The following PRPH2 variants were observed in gnomAD, a reference collection of about 807,000 sequenced individuals.
PRPH2 encodes the protein peripherin-2.
Under a neutral mutation model 31.3 loss-of-function variants are expected in PRPH2, and 17 were observed. The observed-to-expected ratio is 0.54, with a 90% CI of 0.37 to 0.81. PRPH2 has a LOEUF of 0.81. Ranked by LOEUF, PRPH2 falls within the 40% of genes least tolerant of loss-of-function variation. The pLI, the probability that PRPH2 is intolerant of heterozygous loss-of-function variation, is 0.00. For synonymous variants in PRPH2, 165 were observed against 184.4 expected (o/e 0.89, Z 0.85); for missense variants, 430 against 439.7 (o/e 0.98, Z 0.20).
chr6:42,721,852 G>C lies in PRPH2; in HGVS notation c.483C>G (p.Ile161Met), dbSNP rs76989855. Residue 161 changes from isoleucine to methionine, a missense_variant, in exon 1 of 3, where the codon ATC becomes ATG. By Grantham distance (10) the Ile-to-Met change is conservative. Transcript: ENST00000230381. ...CGTTGTTGCCGCAGCATTTGAACTC[G>C]ATCTGCAGCATGTCGATGGTCTTCT... ...FMKKTIDMLQ[I>M]EFKCCGNNGF... 460 of 1,614,190 alleles carry C rather than the reference G, an allele frequency of 2.8e-4. 1 individual carries two copies. The African/African-American group carries it at 5.4e-3, about 19-fold the overall frequency.
rs1258288544 is a variant in PRPH2, at chr6:42,722,206, A to C, written c.129T>G (p.Ile43Met). Reference sequence around the variant, plus strand: ...TCACATCGCTCCTCTTTCGGAGTTCAATCTTCAGGAACAGTCCTAGGCTGA... The same window carrying C: ...TCACATCGCTCCTCTTTCGGAGTTCCATCTTCAGGAACAGTCCTAGGCTGA... ...IIFSLGLFLK[I>M]ELRKRSDVMN... Residue 43 changes from isoleucine (I) to methionine (M), a missense_variant, in exon 1 of 3, where the codon ATT (isoleucine) becomes ATG (methionine). Ile to Met is a conservative substitution (Grantham distance 10, BLOSUM62 1). Coordinates refer to ENST00000230381, the MANE Select transcript of PRPH2 (RefSeq NM_000322.5). The surrounding 1 kb of genome is among the most constrained non-coding windows in gnomAD (Gnocchi z 4.4). 2 of 1,614,188 alleles carry C rather than the reference A, an allele frequency of 1.2e-6. No homozygotes were observed. Among genetic ancestry groups the C allele is most frequent in the South Asian group, 1.1e-5 (1 of 91,088 alleles).
rs375272298 is a variant in PRPH2 at position 42,704,509 on chromosome 6, G to A, written c.684C>T (p.Thr228=). The A allele has an allele frequency of 6.2e-6, 10 of 1,614,076 alleles. No individual in the cohort carries two copies. The highest frequency in any genetic ancestry group is 7.6e-6 in the Non-Finnish European group (9 of 1,180,038). ...SPRPCIQYQI[T]NNSAHYSYDH... ...CGTAACTGTAGTGTGCTGAGTTGTT[G>A]GTGATCTGATACTGGATGCAGGGCC... Residue 228 remains threonine (T), a synonymous_variant, in exon 2 of 3, where the codon ACC becomes ACT. Transcript: ENST00000230381.
In PRPH2 at chr6:42,721,929, T is replaced by A; in HGVS notation, c.406A>T (p.Asn136Tyr). Residue 136 changes from asparagine to tyrosine, a missense_variant, in exon 1 of 3, where the codon AAC becomes TAC. By Grantham distance (143) the Asn-to-Tyr change is moderately radical. Coordinates refer to ENST00000230381, the MANE Select transcript of PRPH2 (RefSeq NM_000322.5). Reference protein sequence around the residue: ...LENTLGQGLKNGMKYYRDTDT... With the variant: ...LENTLGQGLKYGMKYYRDTDT... ...GTGTCCCGGTAGTACTTCATGCCGT[T>A]CTTGAGCCCTTGGCCCAGGGTGTTC... 1.2e-6 allele frequency: 2 copies of A among 1,614,152 alleles called. No homozygotes were observed. The highest frequency in any genetic ancestry group is 8.5e-7 in the Non-Finnish European group (1 of 1,180,036).
chr6:42,703,977 T>G (rs1484999852), intron 2 of PRPH2, among the ~76,000 whole-genome samples: 1 of 151,922 alleles, frequency 6.6e-6, no homozygotes, highest in African/African-American at 2.4e-5. Context: ...GGCACATGCC[T>G]GTAGTCCCAG....
chr6:42,711,633 A>G (rs1189216999), intron 1 of PRPH2, among the ~76,000 whole-genome samples: 3 of 152,178 alleles, frequency 2.0e-5, no homozygotes, highest in African/African-American at 4.8e-5. Context: ...GGAAGCCCCA[A>G]TTTGAAGGGG....
chr6:42,721,961 G>A lies in PRPH2; in HGVS notation c.374C>T (p.Ser125Leu), dbSNP rs772861671. ...CCCTTGGCCCAGGGTGTTCTCCAGCGAGCCCCGAAGCAGAAAGCAGCAGAG... is the reference window on the plus strand; with the variant it reads ...CCCTTGGCCCAGGGTGTTCTCCAGCAAGCCCCGAAGCAGAAAGCAGCAGAG... Reference protein sequence around the residue: ...VALCCFLLRGSLENTLGQGLK... With the variant: ...VALCCFLLRGLLENTLGQGLK... The change falls in exon 1 of 3, where the codon TCG (serine) becomes TTG (leucine). Residue 125 changes from serine to leucine, a missense_variant. Ser to Leu is a moderately radical substitution (Grantham distance 145). Transcript: ENST00000230381. 17 of 1,613,876 alleles carry A rather than the reference G, an allele frequency of 1.1e-5. No individual in the cohort carries two copies. The highest frequency in any genetic ancestry group is 6.7e-5 in the Admixed American group (4 of 59,984).
At chr6:42,719,504 T>C (rs1056407701) in intron 1 of PRPH2, among the ~76,000 whole-genome samples, 23 of 151,724 alleles carry the variant, frequency 1.5e-4, no homozygotes, top group African/African-American at 5.6e-4. Flanking sequence ...CCATTAAACA[T>C]GATCATTGTG....
At chr6:42,718,671 T>C (rs1761835557) in intron 1 of PRPH2, among the ~76,000 whole-genome samples, 1 of 151,738 alleles carries the variant, frequency 6.6e-6, no homozygotes, top group African/African-American at 2.4e-5. Context: ...TTTTCTGAGA[T>C]AGGGTCTTAC....
Position 42,711,675 on chromosome 6 carries a change from G to A in PRPH2, c.582-7064C>T, listed in dbSNP as rs1761647074. ...AGCTCTCTTCAAAGAGTTCCCGTCTGAGAGGGGAGAAACCCCATAGAGTCA... is the reference window on the plus strand; with the variant it reads ...AGCTCTCTTCAAAGAGTTCCCGTCTAAGAGGGGAGAAACCCCATAGAGTCA... On this transcript the variant is annotated intron_variant, in intron 1 of 2. Transcript: ENST00000230381. 1.3e-5 allele frequency: 11 copies of A among 841,434 alleles called. No individual in the cohort carries two copies. In the South Asian group the frequency reaches 6.0e-4, roughly 46 times the overall value. 52.1% of individuals were successfully genotyped at this position (841,434 alleles called of 1,614,324 possible). A position where few individuals can be genotyped will look rare whatever the true frequency, so the allele number is the denominator to read the frequency against.
intron 1 of PRPH2, among the ~76,000 whole-genome samples, chr6:42,719,301 C>T (rs535953699): frequency 9.2e-5 from 14 of 151,710 alleles, no homozygotes; most frequent in Admixed American, 3.3e-4. Flanking sequence ...CTCAGCCTCC[C>T]GAGTAGCTGA....
chr6:42,721,659 G>A (rs1011270423), intron 1 of PRPH2, 95 bp downstream of exon 1: 2 of 1,423,490 alleles, frequency 1.4e-6, no homozygotes, highest in East Asian at 2.3e-5. Flanking sequence ...GAGAGGAAAA[G>A]GCACTGGGTG....
Position 42,697,248 on chromosome 6 carries a change from T to G in PRPH2, c.*1047A>C, listed in dbSNP as rs1422974433. ...ATGGGCTATCTCAAAGAATCTCCTT[T>G]GATGCAGAAGCATTCCAGAAATAGT... On this transcript the variant is annotated 3_prime_UTR_variant, in exon 3 of 3. Transcript: ENST00000230381. 6.6e-6 allele frequency: 1 copy of G among 152,198 alleles called. No homozygotes were observed. The highest frequency in any genetic ancestry group is 1.9e-4 in the East Asian group (1 of 5,194). The allele number at this position is 152,198 out of a possible 1,614,324, so 9.4% of individuals were successfully genotyped here.
chr6:42,708,405 C>G (rs1283137340), intron 1 of PRPH2, among the ~76,000 whole-genome samples: 2 of 152,228 alleles, frequency 1.3e-5, no homozygotes, highest in Non-Finnish European at 2.9e-5. Flanking sequence ...CAGCCCCTCT[C>G]TGGGCACCGG....
chr6:42,717,488 A>G (rs1200328328), intron 1 of PRPH2, among the ~76,000 whole-genome samples: 3 of 152,060 alleles, frequency 2.0e-5, no homozygotes, highest in Non-Finnish European at 4.4e-5. Context: ...TCAGAATCCT[A>G]GCCCGGGGGG....
chr6:42,699,752 G>T (rs186413927), intron 2 of PRPH2, among the ~76,000 whole-genome samples: 213 of 152,186 alleles, frequency 1.4e-3, no homozygotes, highest in Middle Eastern at 3.4e-3. Flanking sequence ...TAATTGCCGG[G>T]TGTGGTGGCG....
chr6:42,715,672 A>AAAAAC (rs752126783), intron 1 of PRPH2, among the ~76,000 whole-genome samples: 36 of 152,328 alleles, frequency 2.4e-4, no homozygotes, highest in Middle Eastern at 3.4e-3. Context: ...CTCCATTTCA[A>AAAAAC]AAAACAAAAC....
chr6:42,702,141 C>CTGAG (rs1800057183), intron 2 of PRPH2, among the ~76,000 whole-genome samples: 1 of 151,744 alleles, frequency 6.6e-6, no homozygotes, highest in Non-Finnish European at 1.5e-5. Context: ...TTGGAAGGGG[C>CTGAG]TGAGGCAGAA....
chr6:42,720,246 C>T (rs1256402123), intron 1 of PRPH2, among the ~76,000 whole-genome samples: 1 of 152,140 alleles, frequency 6.6e-6, no homozygotes, highest in African/African-American at 2.4e-5. Flanking sequence ...GATTTGAATA[C>T]ATCTGTCCAA....
At chr6:42,716,801 G>A (rs1443340001) in intron 1 of PRPH2, among the ~76,000 whole-genome samples, 1 of 150,278 alleles carries the variant, frequency 6.7e-6, no homozygotes, top group Non-Finnish European at 1.5e-5. Flanking sequence ...TGTATTTTCA[G>A]TAGAGACAGA....
Sources: allele counts gnomAD v4.1 joint callset (sites outside exome capture counted in the v4.1 genomes callset), GRCh38; gene constraint gnomAD v4.1.1; non-coding constraint Gnocchi (gnomAD v3.1); transcripts MANE v1.5; gene names NCBI Gene and HGNC (gene_info 2026-07-23, HGNC 2026-07-21).